The following DPH6 variants were observed in gnomAD, a reference collection of about 807,000 sequenced individuals.
DPH6 encodes diphthamine biosynthesis 6.
Under a neutral mutation model 38.2 loss-of-function variants are expected in DPH6, and 33 were observed. The observed-to-expected ratio is 0.86, with a 90% CI of 0.65 to 1.15. The LOEUF is 1.15. Ranked by LOEUF, DPH6 falls within the 50% of genes most tolerant of loss-of-function variation. The pLI is 0.00. For missense variants in DPH6, 325 were observed against 320.0 expected, an observed-to-expected ratio of 1.02 and a Z score of -0.12; for synonymous variants, 108 against 103.0, an observed-to-expected ratio of 1.05 and a Z score of -0.30.
intron 3 of DPH6, among the ~76,000 whole-genome samples, chr15:35,499,694 T>C (rs1203615218): frequency 6.6e-6 from 1 of 152,162 alleles, no homozygotes; most frequent in Non-Finnish European, 1.5e-5. Flanking sequence ...AACTTAAGTA[T>C]TAAGGGAAAT....
chr15:35,209,251 G>A, the DPH6 span, among the ~76,000 whole-genome samples: 1 of 152,082 alleles, frequency 6.6e-6, no homozygotes, highest in Non-Finnish European at 1.5e-5. Flanking sequence ...TATTGCTAAT[G>A]TAGTTCTTAA....
At chr15:35,326,204 A>T (rs2052280939), downstream of DPH6, among the ~76,000 whole-genome samples, 1 of 152,116 alleles carries the variant, frequency 6.6e-6, no homozygotes. Flanking sequence ...CTCCTCTAAC[A>T]TTGAACTTTT....
chr15:35,538,561 C>T, intron 2 of DPH6, 94 bp from the exon 3 acceptor site: 1 of 1,123,554 alleles, frequency 8.9e-7, no homozygotes, highest in Non-Finnish European at 1.2e-6. Flanking sequence ...GAATAGTCGA[C>T]ACAGAACTTG....
intron 3 of DPH6, chr15:35,238,084 A>G: frequency 1.3e-6 from 2 of 1,523,344 alleles, no homozygotes; most frequent in Non-Finnish European, 1.8e-6. Context: ...CTATTTTGAA[A>G]AATTCCTATT....
In DPH6 at chr15:35,481,626, C is replaced by A. The variant is rs996888043; in HGVS notation, c.313-26806G>T. On this transcript the variant is annotated intron_variant, in intron 3 of 8. Transcript: ENST00000256538. ...TAATTATTATGTTAAAAAAGGAAATCTTATCACTTAGAGATAGATGCTGAA... is the reference window on the plus strand; with the variant it reads ...TAATTATTATGTTAAAAAAGGAAATATTATCACTTAGAGATAGATGCTGAA... 2.0e-5 allele frequency among the ~76,000 whole-genome samples: 3 copies of A among 152,062 alleles called. No homozygotes were observed. The East Asian group carries it at 5.8e-4, about 29-fold the overall frequency.
chr15:35,469,814 T>C (rs2054175021), intron 3 of DPH6, among the ~76,000 whole-genome samples: 1 of 151,738 alleles, frequency 6.6e-6, no homozygotes, highest in Admixed American at 6.6e-5. Flanking sequence ...GATAAAACAG[T>C]GAAAACATAT....
chr15:35,451,966 C>T (rs1194425637), intron 4 of DPH6, among the ~76,000 whole-genome samples: 5 of 152,142 alleles, frequency 3.3e-5, no homozygotes, highest in Non-Finnish European at 7.4e-5. Context: ...GCCGAGATTG[C>T]GCCGCTGCAC....
chr15:35,261,095 C>G (rs904834005), intron 3 of DPH6, among the ~76,000 whole-genome samples: 7 of 152,198 alleles, frequency 4.6e-5, no homozygotes, highest in African/African-American at 1.7e-4. Context: ...TTCTGCATAC[C>G]TCAGTCCTTC....
chr15:35,348,484 T>G (rs60880846), intron 3 of DPH6, among the ~76,000 whole-genome samples: 8,578 of 152,222 alleles, frequency 0.056, 504 homozygotes, highest in African/African-American at 0.16. Context: ...GGCTCTTTGT[T>G]CTGTTACATG....
intron 3 of DPH6, among the ~76,000 whole-genome samples, chr15:35,474,158 C>CA (rs1413479255): frequency 6.6e-6 from 1 of 152,022 alleles, no homozygotes; most frequent in Non-Finnish European, 1.5e-5. Context: ...TCAACAATGG[C>CA]AAAATCCTCT....
intron 3 of DPH6, among the ~76,000 whole-genome samples, chr15:35,469,192 G>A (rs2054166916): frequency 6.6e-6 from 1 of 152,128 alleles, no homozygotes; most frequent in African/African-American, 2.4e-5. Context: ...TTCTGACAGG[G>A]AAGGAAAGGA....
chr15:35,459,000 T>C (rs1048601702), intron 3 of DPH6, among the ~76,000 whole-genome samples: 1 of 152,182 alleles, frequency 6.6e-6, no homozygotes, highest in Non-Finnish European at 1.5e-5. Context: ...CTACCTTAAA[T>C]GACTATTAAC....
At chr15:35,177,600 AATCATCATCATCATC>A in the DPH6 span, among the ~76,000 whole-genome samples, 3 of 134,470 alleles carry the variant, frequency 2.2e-5, no homozygotes, top group Non-Finnish European at 4.7e-5. Flanking sequence ...AAAAAAAAAA[AATCATCATCATCATC>A]ATCATCATCA....
At chr15:35,366,546 T>C (rs2052662546), downstream of DPH6, among the ~76,000 whole-genome samples, 1 of 151,964 alleles carries the variant, frequency 6.6e-6, no homozygotes, top group African/African-American at 2.4e-5. Context: ...AGATTACAGA[T>C]ATATAAAGAA....
At chr15:35,256,994 C>T (rs556047585) in intron 3 of DPH6, among the ~76,000 whole-genome samples, 3 of 152,148 alleles carry the variant, frequency 2.0e-5, no homozygotes, top group Non-Finnish European at 4.4e-5. Flanking sequence ...TTGATGACAG[C>T]TATTTGAGGA....
At chr15:35,253,081 G>A (rs1398997144) in intron 3 of DPH6, among the ~76,000 whole-genome samples, 1 of 152,224 alleles carries the variant, frequency 6.6e-6, no homozygotes, top group African/African-American at 2.4e-5. Flanking sequence ...GCATCTGAAT[G>A]TTAATCTCTG....
chr15:35,398,160 A>C (rs1874437849), intron 6 of DPH6, among the ~76,000 whole-genome samples: 1 of 152,256 alleles, frequency 6.6e-6, no homozygotes, highest in African/African-American at 2.4e-5. Context: ...TGCCAGGAGA[A>C]TCTTTTGTTC....
rs1314711839 is a variant in DPH6 at position 35,240,593 on chromosome 15, A to G, written n.201-20011T>C. Among the ~76,000 whole-genome samples the G allele has an allele frequency of 1.4e-5, 2 of 143,282 alleles. 1 individual carries two copies. The highest frequency in any genetic ancestry group is 3.1e-5 in the Non-Finnish European group (2 of 65,440). 94.0% of individuals were successfully genotyped at this position (143,282 alleles called of 152,430 possible). ...CTAGCCCTCCCCCACCTGCCCAGCA[A>G]TTTACTCTTAAAAAGGTGGCTGGAG... On this transcript the variant is annotated intron_variant and non_coding_transcript_variant, in intron 3 of 3. Coordinates refer to the DPH6 transcript ENST00000560386.
chr15:35,239,682 C>A (rs1485083074), intron 3 of DPH6, among the ~76,000 whole-genome samples: 1 of 141,972 alleles, frequency 7.0e-6, no homozygotes, highest in Non-Finnish European at 1.5e-5. Context: ...TACCCCTCAA[C>A]CCCTTCTCCT....
Sources: allele counts gnomAD v4.1 joint callset (sites outside exome capture counted in the v4.1 genomes callset), GRCh38; gene constraint gnomAD v4.1.1; transcripts MANE v1.5; gene names NCBI Gene and HGNC (gene_info 2026-07-23, HGNC 2026-07-21).